The following PIK3AP1 variants were observed in gnomAD, a reference collection of about 807,000 sequenced individuals.
PIK3AP1 encodes the protein phosphoinositide-3-kinase adaptor protein 1.
A neutral mutation model predicts 88.1 loss-of-function variants in PIK3AP1; 21 were observed. The ratio of observed to expected loss-of-function variants is 0.24; its 90% CI spans 0.17 to 0.34. The LOEUF (loss-of-function observed/expected upper bound fraction) is 0.34, where lower values mean the gene tolerates loss of function less well. Ranked by LOEUF, PIK3AP1 falls within the 10% of genes least tolerant of loss-of-function variation. The pLI, the probability that PIK3AP1 is intolerant of heterozygous loss-of-function variation, is 1.00. For missense variants in PIK3AP1, 828 were observed against 1,035.7 expected (o/e 0.80, Z 2.75); for synonymous variants, 398 against 400.0 (o/e 1.00, Z 0.06).
chr10:96,717,651 AG>A (rs1455871669), intron 1 of PIK3AP1, among the ~76,000 whole-genome samples: 4 of 152,166 alleles, frequency 2.6e-5, no homozygotes, highest in African/African-American at 9.7e-5. Flanking sequence ...CCTTGGAGAG[AG>A]GGGGCAAGAG....
At chr10:96,609,533 G>A (rs189049714) in intron 14 of PIK3AP1, among the ~76,000 whole-genome samples, 179 bp downstream of exon 14, 3 of 152,270 alleles carry the variant, frequency 2.0e-5, no homozygotes, top group African/African-American at 7.2e-5. Flanking sequence ...AGGTTTCATG[G>A]GATACAAAGC....
chr10:96,624,535 A>G (rs909238236), intron 10 of PIK3AP1, among the ~76,000 whole-genome samples: 2 of 152,144 alleles, frequency 1.3e-5, no homozygotes, highest in Non-Finnish European at 2.9e-5. Flanking sequence ...AAAGCTAAAA[A>G]GGGTGAAATG....
chr10:96,616,318 T>G (rs1849214478), intron 13 of PIK3AP1, among the ~76,000 whole-genome samples: 1 of 152,180 alleles, frequency 6.6e-6, no homozygotes. Context: ...GTCCTCCTAA[T>G]TGCCAAGGGG....
chr10:96,650,203 G>A (rs1444264648), intron 6 of PIK3AP1, among the ~76,000 whole-genome samples: 1 of 152,164 alleles, frequency 6.6e-6, no homozygotes, highest in African/African-American at 2.4e-5. Context: ...GAGGCAATAC[G>A]AAAGAGAGTC....
chr10:96,665,795 G>A (rs1294492700), intron 2 of PIK3AP1, among the ~76,000 whole-genome samples: 1 of 152,188 alleles, frequency 6.6e-6, no homozygotes, highest in Non-Finnish European at 1.5e-5. Flanking sequence ...ATATGGAAAT[G>A]AGACATTTGT....
At chr10:96,690,519 A>G (rs754371492) in intron 2 of PIK3AP1, among the ~76,000 whole-genome samples, 2 of 152,208 alleles carry the variant, frequency 1.3e-5, no homozygotes, top group African/African-American at 4.8e-5. Context: ...CTTGGCTCCC[A>G]AAGTGCTGGA....
At chr10:96,636,391 T>G (rs1843313294) in intron 8 of PIK3AP1, among the ~76,000 whole-genome samples, 1 of 152,210 alleles carries the variant, frequency 6.6e-6, no homozygotes, top group Non-Finnish European at 1.5e-5. Flanking sequence ...TAACACTTTT[T>G]TAAAAGGTAC....
chr10:96,660,119 C>T (rs1843666312), intron 2 of PIK3AP1, among the ~76,000 whole-genome samples: 1 of 151,942 alleles, frequency 6.6e-6, no homozygotes, highest in Non-Finnish European at 1.5e-5. Flanking sequence ...TTTTAAAAAG[C>T]ATTAAAAACC....
intron 16 of PIK3AP1, 66 bp downstream of exon 16, chr10:96,602,214 T>C: frequency 2.3e-6 from 3 of 1,317,628 alleles, no homozygotes; most frequent in South Asian, 2.4e-5. Flanking sequence ...CTTAGGTGTT[T>C]CCAAGTCCTA....
Position 96,595,263 on chromosome 10 carries a change from T to A in PIK3AP1, c.*314A>T, listed in dbSNP as rs1225948216. On this transcript the variant is annotated 3_prime_UTR_variant, in exon 17 of 17. Coordinates refer to ENST00000339364, the MANE Select transcript of PIK3AP1 (RefSeq NM_152309.3). ...TAAAATCACTGGTGAAGTACATTTA[T>A]GATCATTCTTTTTAGGCTTCTGATA... is the stretch of plus-strand genomic sequence containing the variant. The A allele has an allele frequency of 5.6e-6, 2 of 358,070 alleles. No individual in the cohort carries two copies. Among genetic ancestry groups the A allele is most frequent in the East Asian group, 1.1e-4 (2 of 18,314 alleles). The allele number at this position is 358,070 out of a possible 1,614,324, so 22.2% of individuals were successfully genotyped here.
chr10:96,648,277 A>C (rs1843488362), intron 7 of PIK3AP1, among the ~76,000 whole-genome samples: 1 of 152,160 alleles, frequency 6.6e-6, no homozygotes, highest in South Asian at 2.1e-4. Flanking sequence ...ATCAGCCTCT[A>C]CCTTCAGCAG....
intron 10 of PIK3AP1, among the ~76,000 whole-genome samples, chr10:96,624,814 C>T (rs1210054877): frequency 6.6e-6 from 1 of 152,214 alleles, no homozygotes; most frequent in Admixed American, 6.5e-5. Flanking sequence ...CTTCGCTTCT[C>T]CACAGTTTCC....
Position 96,626,868 on chromosome 10 carries a change from CTGA to C in PIK3AP1, c.1506_1508del (p.Asp502_Gln503delinsGlu). On this transcript the variant is annotated inframe_deletion, in exon 10 of 17. Transcript: ENST00000339364. ...CATCTTCTTCCTGACCAAGATGGCA[CTGA>C]TCTCTCTCCAGATTGGTCATTCCCA... 1 of 1,614,208 alleles carries C rather than the reference CTGA, an allele frequency of 6.2e-7. No homozygotes were observed. Among genetic ancestry groups the C allele is most frequent in the Non-Finnish European group, 8.5e-7 (1 of 1,179,990 alleles).
rs200631854 is a variant in PIK3AP1 at position 96,652,826 on chromosome 10, T to G, written c.584A>C (p.Tyr195Ser). ...ATCCAGCTTACATCTCACAATAACA[T>G]AGACAGTGGTTTCTGCCTGAAACGG... is the stretch of plus-strand genomic sequence containing the variant. ...RIRCGAETTVYVIVRCKLDDR... is the reference protein window; with the variant it reads ...RIRCGAETTVSVIVRCKLDDR... The change falls in exon 4 of 17, where the codon TAT (tyrosine) becomes TCT (serine). Residue 195 changes from tyrosine to serine, a missense_variant. Transcript: ENST00000339364. 1 of 1,613,712 alleles carries G rather than the reference T, an allele frequency of 6.2e-7. No individual in the cohort carries two copies. The highest frequency in any genetic ancestry group is 1.7e-5 in the Admixed American group (1 of 60,010).
At chr10:96,679,735 C>T (rs1843975148) in intron 2 of PIK3AP1, among the ~76,000 whole-genome samples, 1 of 152,102 alleles carries the variant, frequency 6.6e-6, no homozygotes, top group African/African-American at 2.4e-5. Context: ...GCACCAAGGT[C>T]CCAGGTTCTT....
chr10:96,690,814 C>T (rs1440735970), intron 2 of PIK3AP1, among the ~76,000 whole-genome samples: 2 of 152,166 alleles, frequency 1.3e-5, no homozygotes. Context: ...GAGTAAGGCA[C>T]CTGATCAATT....
intron 8 of PIK3AP1, among the ~76,000 whole-genome samples, chr10:96,640,719 G>T (rs1057304898): frequency 6.6e-6 from 1 of 151,806 alleles, no homozygotes; most frequent in African/African-American, 2.4e-5. Flanking sequence ...ATGCAGTGGT[G>T]CAGTCATGGC....
At chr10:96,681,359 C>A (rs1843997004) in intron 2 of PIK3AP1, among the ~76,000 whole-genome samples, 1 of 152,208 alleles carries the variant, frequency 6.6e-6, no homozygotes, top group Admixed American at 6.5e-5. Context: ...AAGGTAGACA[C>A]AATTCATCCC....
chr10:96,631,115 G>T (rs1008621904), intron 8 of PIK3AP1, among the ~76,000 whole-genome samples: 10 of 152,192 alleles, frequency 6.6e-5, no homozygotes, highest in Non-Finnish European at 1.5e-4. Context: ...TGAGGGGAGG[G>T]AGAAACTCCA....
Sources: allele counts gnomAD v4.1 joint callset (sites outside exome capture counted in the v4.1 genomes callset), GRCh38; gene constraint gnomAD v4.1.1; transcripts MANE v1.5; gene names NCBI Gene and HGNC (gene_info 2026-07-23, HGNC 2026-07-21).